The following PAPPA2 variants were observed in gnomAD, a reference collection of about 807,000 sequenced individuals.
PAPPA2 encodes pappalysin 2.
PAPPA2 carries 86 observed loss-of-function variants against 176.4 expected under a neutral mutation model. The ratio of observed to expected loss-of-function variants is 0.49; its 90% CI spans 0.41 to 0.58. The LOEUF (loss-of-function observed/expected upper bound fraction) is 0.58, where lower values mean the gene tolerates loss of function less well. Ranked by LOEUF, PAPPA2 falls within the 20% of genes least tolerant of loss-of-function variation. PAPPA2 has a pLI of 0.00. For synonymous variants in PAPPA2, 809 were observed against 852.2 expected (o/e 0.95, Z 0.88); for missense variants, 2,073 against 2,256.9 (o/e 0.92, Z 1.65).
At chr1:176,673,165 A>T (rs529472052) in intron 4 of PAPPA2, among the ~76,000 whole-genome samples, 1 of 152,120 alleles carries the variant, frequency 6.6e-6, no homozygotes, top group South Asian at 2.1e-4. Context: ...AGGATTTTTG[A>T]TACAGCTGAC....
chr1:176,543,302 A>G (rs1348909794), intron 1 of PAPPA2, among the ~76,000 whole-genome samples: 1 of 152,110 alleles, frequency 6.6e-6, no homozygotes, highest in African/African-American at 2.4e-5. Flanking sequence ...CAGCCCTGGA[A>G]CCAGCCCACT....
chr1:176,706,498 G>GAGTTCTTGA, intron 10 of PAPPA2, 48 bp downstream of exon 10: 1 of 1,519,784 alleles, frequency 6.6e-7, no homozygotes, highest in Non-Finnish European at 9.1e-7. Context: ...TTTTAGAGGT[G>GAGTTCTTGA]TATTATTTTG....
At chr1:176,701,767 TCC>T (rs1660660357) in intron 8 of PAPPA2, among the ~76,000 whole-genome samples, 1 of 152,164 alleles carries the variant, frequency 6.6e-6, no homozygotes, top group Admixed American at 6.5e-5. Context: ...GTAACTCCCA[TCC>T]TAGCTTGACT....
chr1:176,519,601 A>G (rs984523556), intron 1 of PAPPA2, among the ~76,000 whole-genome samples: 4 of 152,134 alleles, frequency 2.6e-5, no homozygotes, highest in Non-Finnish European at 4.4e-5. Context: ...ATAAAACATA[A>G]TATTATATAT....
At chr1:176,609,229 G>T (rs1654776143) in intron 3 of PAPPA2, among the ~76,000 whole-genome samples, 1 of 152,180 alleles carries the variant, frequency 6.6e-6, no homozygotes, top group Non-Finnish European at 1.5e-5. Flanking sequence ...TTAATTATTT[G>T]CTCATTCATA....
intron 1 of PAPPA2, among the ~76,000 whole-genome samples, chr1:176,538,877 T>C (rs1231268485): frequency 6.6e-6 from 1 of 152,222 alleles, no homozygotes; most frequent in Non-Finnish European, 1.5e-5. Context: ...AGCCTGTTTT[T>C]GCTTGGCCTC....
At chr1:176,541,299 C>T (rs1246420360) in intron 1 of PAPPA2, among the ~76,000 whole-genome samples, 1 of 152,198 alleles carries the variant, frequency 6.6e-6, no homozygotes, top group East Asian at 1.9e-4. Flanking sequence ...AGTGCATTAA[C>T]AGCGAATACA....
At chr1:176,567,507 A>G (rs989715629) in intron 2 of PAPPA2, among the ~76,000 whole-genome samples, 8 of 152,208 alleles carry the variant, frequency 5.3e-5, no homozygotes, top group Non-Finnish European at 1.2e-4. Context: ...ATTGCTCTAC[A>G]TTCTGGGAAG....
At chr1:176,745,174 C>A (rs532501208) in intron 14 of PAPPA2, among the ~76,000 whole-genome samples, 77 of 152,166 alleles carry the variant, frequency 5.1e-4, no homozygotes, top group Admixed American at 5.9e-4. Context: ...CCTTTGCCAA[C>A]GGGTATCATG....
intron 21 of PAPPA2, among the ~76,000 whole-genome samples, chr1:176,812,626 CTCTT>C (rs1666205624): frequency 6.6e-6 from 1 of 152,178 alleles, no homozygotes; most frequent in African/African-American, 2.4e-5. Context: ...AATAGACAGG[CTCTT>C]TCAGAAAGTT....
At chr1:176,465,003 C>A (rs573130676) in intron 1 of PAPPA2, among the ~76,000 whole-genome samples, 1 of 152,094 alleles carries the variant, frequency 6.6e-6, no homozygotes, top group South Asian at 2.1e-4. Context: ...TTCTAATACA[C>A]GTATAATTTT....
intron 12 of PAPPA2, among the ~76,000 whole-genome samples, chr1:176,728,174 A>G (rs1391780963): frequency 1.3e-5 from 2 of 151,928 alleles, no homozygotes; most frequent in African/African-American, 2.4e-5. Flanking sequence ...AAAAACTTCA[A>G]TATCATTACT....
At chr1:176,729,684 G>T (rs752525061) in intron 12 of PAPPA2, among the ~76,000 whole-genome samples, 1 of 151,986 alleles carries the variant, frequency 6.6e-6, no homozygotes, top group Non-Finnish European at 1.5e-5. Flanking sequence ...ACACTTACTC[G>T]TTATTTGTGT....
Position 176,556,198 on chromosome 1 carries a change from G to A in PAPPA2, c.-125G>A. The A allele has an allele frequency of 2.5e-6, 3 of 1,186,944 alleles. No individual in the cohort carries two copies. Among genetic ancestry groups the A allele is most frequent in the Non-Finnish European group, 3.5e-6 (3 of 847,164 alleles). The allele number at this position is 1,186,944 out of a possible 1,614,324, so 73.5% of individuals were successfully genotyped here. A position where few individuals can be genotyped will look rare whatever the true frequency, so the allele number is the denominator to read the frequency against. On this transcript the variant is annotated 5_prime_UTR_variant, in exon 2 of 23. In the 5' UTR this introduces an upstream ATG that the reference lacks. Transcript: ENST00000367662. ...GGGGCTATTTGAAAAAGTTTGGTCT[G>A]TGAACAAAACAGTTTCCCTGGTGAC...
At chr1:176,569,121 C>T (rs1388749239) in intron 2 of PAPPA2, among the ~76,000 whole-genome samples, 3 of 152,214 alleles carry the variant, frequency 2.0e-5, no homozygotes, top group African/African-American at 2.4e-5. Context: ...TATGTACACA[C>T]GTGCACACAT....
intron 3 of PAPPA2, among the ~76,000 whole-genome samples, chr1:176,624,088 A>G (rs987326774): frequency 1.3e-5 from 2 of 152,118 alleles, no homozygotes; most frequent in Admixed American, 1.3e-4. Flanking sequence ...CGGATGAGAT[A>G]GCTGTCCTGG....
At chr1:176,659,140 A>T (rs1453671109) in intron 3 of PAPPA2, among the ~76,000 whole-genome samples, 1 of 152,054 alleles carries the variant, frequency 6.6e-6, no homozygotes, top group East Asian at 1.9e-4. Context: ...AATGAGATAT[A>T]TGACCTGTTG....
chr1:176,464,260 A>G (rs1255609870), intron 1 of PAPPA2, among the ~76,000 whole-genome samples: 1 of 152,234 alleles, frequency 6.6e-6, no homozygotes, highest in Non-Finnish European at 1.5e-5. Flanking sequence ...CTAGGAGTAC[A>G]GAACACTCCC....
In PAPPA2 at chr1:176,837,006, C is replaced by T. The variant is rs115363488; in HGVS notation, c.5203-3167C>T. 8.6e-3 allele frequency among the ~76,000 whole-genome samples: 1,308 copies of T among 152,166 alleles called. 16 individuals are homozygous for T. The highest frequency in any genetic ancestry group is 0.03 in the African/African-American group (1,232 of 41,518). On this transcript the variant is annotated intron_variant, in intron 21 of 22. Coordinates refer to ENST00000367662, the MANE Select transcript of PAPPA2 (RefSeq NM_020318.3). Reference sequence around the variant, plus strand: ...GGCCACACTATCTCTATGGCTAACTCCCCACAGCAACTTCAAAATGGGAAA... The same window carrying T: ...GGCCACACTATCTCTATGGCTAACTTCCCACAGCAACTTCAAAATGGGAAA...
Sources: allele counts gnomAD v4.1 joint callset (sites outside exome capture counted in the v4.1 genomes callset), GRCh38; gene constraint gnomAD v4.1.1; transcripts MANE v1.5; gene names NCBI Gene and HGNC (gene_info 2026-07-23, HGNC 2026-07-21).